GOT1: variants seen among roughly 807,000 people sequenced by gnomAD.
GOT1 encodes the protein glutamic-oxaloacetic transaminase 1, also known as aspartate aminotransferase, cytoplasmic.
GOT1 carries 25 observed loss-of-function variants against 48.2 expected under a neutral mutation model. The observed-to-expected ratio is 0.52, with a 90% CI of 0.38 to 0.72. GOT1 has a LOEUF of 0.72. GOT1 is among the 30% of genes least tolerant of loss of function. The pLI is 0.00. For missense variants in GOT1, 380 were observed against 520.1 expected, an observed-to-expected ratio of 0.73 and a Z score of 2.62; for synonymous variants, 188 against 193.8, an observed-to-expected ratio of 0.97 and a Z score of 0.25.
chr10:99,423,586 A>G (rs2032998595), intron 1 of GOT1, among the ~76,000 whole-genome samples: 1 of 152,230 alleles, frequency 6.6e-6, no homozygotes, highest in South Asian at 2.1e-4. Context: ...TGGGTAGGTG[A>G]ATCAAACAAT....
chr10:99,422,191 C>A (rs946136781), intron 1 of GOT1, among the ~76,000 whole-genome samples: 4 of 152,148 alleles, frequency 2.6e-5, no homozygotes, highest in Admixed American at 6.5e-5. Flanking sequence ...GTGTATAGCA[C>A]CTCCCGCTTT....
At chr10:99,407,769 T>C (rs1345329839) in intron 2 of GOT1, among the ~76,000 whole-genome samples, 1 of 143,660 alleles carries the variant, frequency 7.0e-6, no homozygotes, top group Non-Finnish European at 1.5e-5. Context: ...ACATAGGCAA[T>C]AATAAAAGCC....
intron 2 of GOT1, among the ~76,000 whole-genome samples, chr10:99,410,052 T>C (rs1287657231): frequency 6.6e-6 from 1 of 152,192 alleles, no homozygotes; most frequent in Admixed American, 6.5e-5. Flanking sequence ...TGCACTGGGG[T>C]GAAAATGCTC....
intron 1 of GOT1, among the ~76,000 whole-genome samples, chr10:99,430,044 T>C (rs2033095823): frequency 6.6e-6 from 1 of 152,176 alleles, no homozygotes; most frequent in South Asian, 2.1e-4. Context: ...CAGAGCTTTC[T>C]AGCGTTAAAA....
rs912995929 is a variant in GOT1 at position 99,405,945 on chromosome 10, G to C, written c.538-85C>G. The stretch of plus-strand genomic sequence containing the variant: ...AGCAGCAGATTGGTCAGTGATGGAG[G>C]GCAAAGGGCAACCATATTCTTGTCA... On this transcript the variant is annotated intron_variant, in intron 4 of 8. Coordinates refer to ENST00000370508, the MANE Select transcript of GOT1 (RefSeq NM_002079.3). The C allele has an allele frequency of 7.1e-6, 6 of 843,842 alleles. No individual in the cohort carries two copies. The African/African-American group carries it at 1.0e-4, about 14-fold the overall frequency. The allele number at this position is 843,842 out of a possible 1,614,324, so 52.3% of individuals were successfully genotyped here.
At chr10:99,406,399 A>C in intron 3 of GOT1, 150 bp from the exon 4 acceptor site, 1 of 644,800 alleles carries the variant, frequency 1.6e-6, no homozygotes, top group Non-Finnish European at 2.8e-6. Flanking sequence ...GAATGATTGT[A>C]ACCAAGAACA....
At chr10:99,427,224 T>C (rs2033050130) in intron 1 of GOT1, among the ~76,000 whole-genome samples, 2 of 152,098 alleles carry the variant, frequency 1.3e-5, no homozygotes, top group South Asian at 2.1e-4. Flanking sequence ...TGCTAGTGAA[T>C]TGTGGAGTTG....
intron 2 of GOT1, among the ~76,000 whole-genome samples, chr10:99,413,671 T>C (rs898007270): frequency 9.2e-5 from 14 of 151,636 alleles, no homozygotes; most frequent in Admixed American, 7.2e-4. Context: ...AAGGAAAAAA[T>C]GTTAAAGGCA....
intron 2 of GOT1, among the ~76,000 whole-genome samples, chr10:99,407,249 C>T (rs150564943): frequency 6.6e-6 from 1 of 152,270 alleles, no homozygotes; most frequent in Non-Finnish European, 1.5e-5. Context: ...CTCTTCAGCA[C>T]CCATCCTAAG....
chr10:99,423,982 A>G (rs1474909561), intron 1 of GOT1, among the ~76,000 whole-genome samples: 1 of 152,114 alleles, frequency 6.6e-6, no homozygotes, highest in African/African-American at 2.4e-5. Flanking sequence ...CATACCATTC[A>G]TGATATACCC....
At chr10:99,419,156 G>A (rs2032936043) in intron 2 of GOT1, among the ~76,000 whole-genome samples, 2 of 152,184 alleles carry the variant, frequency 1.3e-5, no homozygotes, top group African/African-American at 4.8e-5. Flanking sequence ...ACTGTACACA[G>A]CATGTGGGGA....
intron 2 of GOT1, among the ~76,000 whole-genome samples, chr10:99,412,234 A>C (rs182319317): frequency 1.3e-4 from 19 of 151,904 alleles, no homozygotes; most frequent in Admixed American, 4.6e-4. Context: ...GAAATCAGCA[A>C]CTGTAAGAAC....
chr10:99,418,917 C>T (rs1316413546), intron 2 of GOT1, among the ~76,000 whole-genome samples: 1 of 152,216 alleles, frequency 6.6e-6, no homozygotes, highest in Non-Finnish European at 1.5e-5. Flanking sequence ...CTATTCTAAC[C>T]ATATGACTTC....
chr10:99,416,111 G>T (rs567105873), intron 2 of GOT1, among the ~76,000 whole-genome samples: 14 of 152,264 alleles, frequency 9.2e-5, no homozygotes, highest in African/African-American at 3.4e-4. Context: ...GCAGGAGAAA[G>T]AAATACAAGG....
At chr10:99,406,072 C>T in intron 4 of GOT1, 65 bp downstream of exon 4, 1 of 1,125,694 alleles carries the variant, frequency 8.9e-7, no homozygotes, top group East Asian at 2.3e-5. Context: ...AGCAACTGGT[C>T]CAAAGACTTT....
At chr10:99,398,681 A>G (rs1214568265) in intron 8 of GOT1, among the ~76,000 whole-genome samples, 11 of 152,060 alleles carry the variant, frequency 7.2e-5, no homozygotes, top group Non-Finnish European at 1.5e-4. Flanking sequence ...AAAAAAAAAA[A>G]GAATTTTAGT....
chr10:99,408,869 A>G (rs1040764627), intron 2 of GOT1, among the ~76,000 whole-genome samples: 1 of 152,144 alleles, frequency 6.6e-6, no homozygotes, highest in Non-Finnish European at 1.5e-5. Context: ...AGATGAATGT[A>G]TTCATGTATT....
intron 2 of GOT1, among the ~76,000 whole-genome samples, chr10:99,411,869 A>G (rs919099445): frequency 1.3e-5 from 2 of 152,216 alleles, no homozygotes; most frequent in Admixed American, 6.5e-5. Context: ...TAAATAAGCA[A>G]TGATCACTCT....
intron 7 of GOT1, 124 bp from the exon 8 acceptor site, chr10:99,402,846 G>C: frequency 1.3e-6 from 1 of 740,898 alleles, no homozygotes; most frequent in East Asian, 2.6e-5. Context: ...GCCTATTATG[G>C]CATGTGGATG....
Sources: allele counts gnomAD v4.1 joint callset (sites outside exome capture counted in the v4.1 genomes callset), GRCh38; gene constraint gnomAD v4.1.1; transcripts MANE v1.5; gene names NCBI Gene and HGNC (gene_info 2026-07-23, HGNC 2026-07-21).